GNAQ: variants seen among roughly 807,000 people sequenced by gnomAD.
GNAQ encodes G protein subunit alpha q.
A neutral mutation model predicts 43.9 loss-of-function variants in GNAQ; 8 were observed. The observed-to-expected ratio is 0.18, with a 90% CI of 0.11 to 0.33. The LOEUF is 0.33. Ranked by LOEUF, GNAQ falls within the 10% of genes least tolerant of loss-of-function variation. The probability of loss-of-function intolerance (pLI) is 1.00; values close to 1 mark genes in which losing one functional copy is unlikely to be tolerated. For missense variants in GNAQ, 158 were observed against 450.8 expected (o/e 0.35, Z 5.88); for synonymous variants, 155 against 170.7 (o/e 0.91, Z 0.71).
Position 77,894,009 on chromosome 9 carries a change from G to A in GNAQ, c.321+28152C>T, listed in dbSNP as rs566098037. On this transcript the variant is annotated intron_variant, in intron 2 of 6. Transcript: ENST00000286548. ...ATTTCAGAATGGCTCCGGCATACCA[G>A]GCACTGCTTGAGGACTTCAGGGCTC... 2.4e-4 allele frequency among the ~76,000 whole-genome samples: 36 copies of A among 152,082 alleles called. 1 individual carries two copies. In the Middle Eastern group the frequency reaches 0.01, roughly 43 times the overall value.
intron 1 of GNAQ, among the ~76,000 whole-genome samples, chr9:78,022,488 G>A (rs1188441861): frequency 3.3e-5 from 5 of 151,998 alleles, no homozygotes; most frequent in African/African-American, 9.7e-5. Flanking sequence ...TATATGTAAC[G>A]AATCCAAAAT....
At chr9:77,827,300 C>T (rs1005695215) in intron 2 of GNAQ, among the ~76,000 whole-genome samples, 1 of 147,284 alleles carries the variant, frequency 6.8e-6, no homozygotes, top group African/African-American at 2.5e-5. Context: ...TGCTTGAATT[C>T]TGATGAGCTT....
At chr9:77,903,645 G>C (rs893774970) in intron 2 of GNAQ, among the ~76,000 whole-genome samples, 1 of 152,068 alleles carries the variant, frequency 6.6e-6, no homozygotes, top group African/African-American at 2.4e-5. Flanking sequence ...AGAGTAAAAA[G>C]GGTGAGAAGC....
At chr9:77,808,144 C>T (rs1280086526) in intron 3 of GNAQ, among the ~76,000 whole-genome samples, 1 of 152,032 alleles carries the variant, frequency 6.6e-6, no homozygotes. Context: ...AACTGACTTG[C>T]CCACATCCAC....
At chr9:78,026,680 C>T (rs936418979) in intron 1 of GNAQ, among the ~76,000 whole-genome samples, 1 of 152,230 alleles carries the variant, frequency 6.6e-6, no homozygotes, top group Non-Finnish European at 1.5e-5. Context: ...CTCCAGTGAA[C>T]CCTACTGAGG....
chr9:77,981,864 C>G (rs1348057803), intron 1 of GNAQ, among the ~76,000 whole-genome samples: 1 of 152,216 alleles, frequency 6.6e-6, no homozygotes, highest in Non-Finnish European at 1.5e-5. Context: ...TTGGAATTCC[C>G]TATCACTTCC....
chr9:77,888,658 T>G lies in GNAQ; in HGVS notation c.321+33503A>C, dbSNP rs555370093. Among the ~76,000 whole-genome samples the G allele has an allele frequency of 1.5e-4, 23 of 152,270 alleles. 1 individual carries two copies. In the East Asian group the frequency reaches 4.4e-3, roughly 29 times the overall value. On this transcript the variant is annotated intron_variant, in intron 2 of 6. Coordinates refer to ENST00000286548, the MANE Select transcript of GNAQ (RefSeq NM_002072.5). ...AAAAAGTACTCTGAATCTTGAAAAA[T>G]CCAGACTGAGTCTGTTTATTCTTCA... is the stretch of plus-strand genomic sequence containing the variant.
At chr9:78,008,161 G>C (rs781403374) in intron 1 of GNAQ, among the ~76,000 whole-genome samples, 1 of 152,318 alleles carries the variant, frequency 6.6e-6, no homozygotes, top group Admixed American at 6.5e-5. Flanking sequence ...TGTTTGAGCC[G>C]CTGAAAGACC....
chr9:77,903,561 G>A (rs1828647675), intron 2 of GNAQ, among the ~76,000 whole-genome samples: 1 of 152,144 alleles, frequency 6.6e-6, no homozygotes, highest in South Asian at 2.1e-4. Flanking sequence ...TTTCCCCAGG[G>A]GCTAAAGGTG....
intron 2 of GNAQ, among the ~76,000 whole-genome samples, chr9:77,875,815 C>T (rs892561835): frequency 6.6e-6 from 1 of 152,166 alleles, no homozygotes; most frequent in East Asian, 1.9e-4. Flanking sequence ...ATTGCCCACA[C>T]CATGATCAGA....
Position 77,924,159 on chromosome 9 carries a change from C to T in GNAQ, c.137-1814G>A, listed in dbSNP as rs544033153. Among the ~76,000 whole-genome samples the T allele has an allele frequency of 2.0e-5, 3 of 152,240 alleles. No homozygotes were observed. In the South Asian group the frequency reaches 6.2e-4, roughly 32 times the overall value. ...AACAGCTGTAATGTGAATGCTATCA[C>T]CCCAGTTTAACAGGATTAATCCAAA... On this transcript the variant is annotated intron_variant, in intron 1 of 6. Coordinates refer to ENST00000286548, the MANE Select transcript of GNAQ (RefSeq NM_002072.5).
At chr9:77,967,230 C>G (rs1823178835) in intron 1 of GNAQ, among the ~76,000 whole-genome samples, 1 of 152,174 alleles carries the variant, frequency 6.6e-6, no homozygotes, top group Non-Finnish European at 1.5e-5. Context: ...CCCTGTTGGG[C>G]TGACAACAGC....
intron 2 of GNAQ, among the ~76,000 whole-genome samples, chr9:77,839,865 G>A (rs896869948): frequency 6.6e-6 from 1 of 152,190 alleles, no homozygotes; most frequent in African/African-American, 2.4e-5. Flanking sequence ...ACCCAAAAAT[G>A]CCTTCCCTAA....
intron 2 of GNAQ, among the ~76,000 whole-genome samples, chr9:77,841,756 A>G (rs146858970): frequency 7.2e-4 from 110 of 152,324 alleles, no homozygotes; most frequent in Middle Eastern, 3.4e-3. Context: ...GACTACGTTC[A>G]TTATATGGAA....
At chr9:77,723,531 A>G (rs1475901483) in intron 6 of GNAQ, among the ~76,000 whole-genome samples, 1 of 152,258 alleles carries the variant, frequency 6.6e-6, no homozygotes, top group East Asian at 1.9e-4. Flanking sequence ...AGTGTCCATC[A>G]ACAGATACAT....
intron 2 of GNAQ, among the ~76,000 whole-genome samples, chr9:77,817,876 CG>C (rs2118516768): frequency 6.6e-6 from 1 of 152,054 alleles, no homozygotes; most frequent in Non-Finnish European, 1.5e-5. Flanking sequence ...ATTTAGCTGG[CG>C]GGTGAAGATG....
rs1827095299 is a variant in GNAQ, at chr9:77,820,452, C to A, written c.322-4682G>T. Among the ~76,000 whole-genome samples, 3 of 152,212 alleles carry A rather than the reference C, an allele frequency of 2.0e-5. No individual in the cohort carries two copies. The South Asian group carries it at 6.2e-4, about 32-fold the overall frequency. ...AATGACAAAGAACAGCAAAGTCATA[C>A]TGAACTGCTGCTGGCTGGGTTCTCA... On this transcript the variant is annotated intron_variant, in intron 2 of 6. Coordinates refer to ENST00000286548, the MANE Select transcript of GNAQ (RefSeq NM_002072.5).
chr9:77,780,804 C>T (rs1396146903), intron 5 of GNAQ, among the ~76,000 whole-genome samples: 2 of 152,030 alleles, frequency 1.3e-5, no homozygotes, highest in South Asian at 2.1e-4. Context: ...AATGGCCTTC[C>T]TAAGTGGGGT....
chr9:77,776,430 TC>T (rs1826307331), intron 5 of GNAQ, among the ~76,000 whole-genome samples: 1 of 152,026 alleles, frequency 6.6e-6, no homozygotes, highest in African/African-American at 2.4e-5. Flanking sequence ...TAGACTAATA[TC>T]AGACAAAACA....
Sources: allele counts gnomAD v4.1 joint callset (sites outside exome capture counted in the v4.1 genomes callset), GRCh38; gene constraint gnomAD v4.1.1; transcripts MANE v1.5; gene names NCBI Gene and HGNC (gene_info 2026-07-23, HGNC 2026-07-21).